The following FMO2 variants were observed in gnomAD, a reference collection of about 807,000 sequenced individuals.
FMO2 encodes the protein flavin containing dimethylaniline monoxygenase 2, also known as flavin-containing monooxygenase 2.
In FMO2, 33 loss-of-function variants were observed where a neutral mutation model predicts 41.6. The ratio of observed to expected loss-of-function variants is 0.79; its 90% confidence interval spans 0.60 to 1.06. The LOEUF (loss-of-function observed/expected upper bound fraction) is 1.06, where lower values mean the gene tolerates loss of function less well. Among genes scored for constraint, FMO2 ranks in the 50% least tolerant of loss-of-function variants. FMO2 has a pLI of 0.00. For synonymous variants in FMO2, 214 were observed against 219.6 expected, an observed-to-expected ratio of 0.97 and a Z score of 0.23; for missense variants, 619 against 632.9, an observed-to-expected ratio of 0.98 and a Z score of 0.23.
intron 2 of FMO2, among the ~76,000 whole-genome samples, chr1:171,186,788 A>G (rs10912524): frequency 0.15 from 23,511 of 152,158 alleles, 2,464 homozygotes; most frequent in East Asian, 0.42. Flanking sequence ...AGGAGTTACA[A>G]TTATTCCTTC....
chr1:171,208,901 A>T lies in FMO2; in HGVS notation c.1364A>T (p.Lys455Ile). The T allele has an allele frequency of 6.2e-7, 1 of 1,613,990 alleles. No individual in the cohort carries two copies. The highest frequency in any genetic ancestry group is 8.5e-7 in the Non-Finnish European group (1 of 1,179,922). The stretch of plus-strand genomic sequence containing the variant: ...CCAGATTTCTGCTCTCTCTTGTTCA[A>T]AGATCCTAAACTGGCTGTGAGACTC... ...AKPDFCSLLF[K>I]DPKLAVRLYF... The change falls in exon 9 of 9, where the codon AAA becomes ATA. Residue 455 changes from lysine (K) to isoleucine (I), a missense_variant. Transcript: ENST00000209929.
Position 171,199,375 on chromosome 1 carries a change from C to T in FMO2, c.514C>T (p.His172Tyr), listed in dbSNP as rs371141652. The change falls in exon 5 of 9, where the codon CAT becomes TAT. Residue 172 changes from histidine to tyrosine, a missense_variant. Transcript: ENST00000209929. ...GGAGAGGTTCAAAGGCCAATATTTCCATAGCCGCCAATACAAGCATCCAGA... is the reference window on the plus strand; with the variant it reads ...GGAGAGGTTCAAAGGCCAATATTTCTATAGCCGCCAATACAAGCATCCAGA... ...GMERFKGQYF[H>Y]SRQYKHPDGF... 5 of 1,609,936 alleles carry T rather than the reference C, an allele frequency of 3.1e-6. No homozygotes were observed. The highest frequency in any genetic ancestry group is 4.2e-6 in the Non-Finnish European group (5 of 1,178,298).
intron 8 of FMO2, among the ~76,000 whole-genome samples, chr1:171,208,184 A>C (rs1290931953): frequency 1.3e-5 from 2 of 152,176 alleles, no homozygotes; most frequent in Non-Finnish European, 2.9e-5. Context: ...GAAAAGTTAG[A>C]GAATCCCCAT....
chr1:171,200,185 A>G (rs998575443), intron 5 of FMO2, among the ~76,000 whole-genome samples: 1 of 152,214 alleles, frequency 6.6e-6, no homozygotes, highest in Non-Finnish European at 1.5e-5. Flanking sequence ...AGGTCTCTCA[A>G]CTAAAATCAT....
rs1658443952 is a variant in FMO2 at position 171,199,459 on chromosome 1, G to A, written c.598G>A (p.Ala200Thr). 1.9e-6 allele frequency: 3 copies of A among 1,612,318 alleles called. No individual in the cohort carries two copies. The highest frequency in any genetic ancestry group is 3.3e-5 in the Admixed American group (2 of 59,742). The change falls in exon 5 of 9, where the codon GCT (alanine) becomes ACT (threonine). Residue 200 changes from alanine to threonine, a missense_variant. By Grantham distance (58) the Ala-to-Thr change is moderately conservative (BLOSUM62 0). Transcript: ENST00000209929. The stretch of plus-strand genomic sequence containing the variant: ...AATGGGAAACTCAGGCTCAGATATT[G>A]CTGTTGAGCTGAGTAAGAATGCTGC... ...IGMGNSGSDI[A>T]VELSKNAAQV...
intron 4 of FMO2, among the ~76,000 whole-genome samples, chr1:171,197,535 G>C (rs10912538): frequency 0.4 from 60,478 of 151,982 alleles, 12,834 homozygotes; most frequent in East Asian, 0.55. Context: ...GAGGGCTTTT[G>C]AAAGCACAAA....
chr1:171,196,202 G>T (rs1220478603), intron 3 of FMO2, among the ~76,000 whole-genome samples: 1 of 152,060 alleles, frequency 6.6e-6, no homozygotes, highest in Non-Finnish European at 1.5e-5. Flanking sequence ...TTTTTAAATG[G>T]GGAAAAAATA....
rs199536748 is a variant in FMO2, at chr1:171,189,654, C to CTTTTTTTTTTT, written c.133-3677_133-3676insTTTTTTTTTTT. ...ACAGAAATCTGAGCCCGTCTTTTTT[C>CTTTTTTTTTTT]TTTTCTTTTTTTTTTTTTTTTTGAG... On this transcript the variant is annotated intron_variant, in intron 2 of 8. Transcript: ENST00000209929. Among the ~76,000 whole-genome samples the CTTTTTTTTTTT allele has an allele frequency of 4.2e-4, 51 of 122,762 alleles. 1 individual carries two copies. The highest frequency in any genetic ancestry group is 1.0e-3 in the Admixed American group (11 of 10,806). 80.5% of individuals were successfully genotyped at this position (122,762 alleles called of 152,430 possible). A position where few individuals can be genotyped will look rare whatever the true frequency, so the allele number is the denominator to read the frequency against.
chr1:171,185,601 A>T, intron 1 of FMO2, 107 bp from the exon 2 acceptor site: 1 of 1,085,060 alleles, frequency 9.2e-7, no homozygotes, highest in Non-Finnish European at 1.4e-6. Flanking sequence ...GCTGCTTATT[A>T]AATTACCACT....
At position 171,210,726 on chromosome 1, in the gene FMO2, C is replaced by G. The variant is rs1658943969; in HGVS notation, c.*1581C>G. The G allele has an allele frequency of 2.0e-5, 3 of 152,092 alleles. No individual in the cohort carries two copies. Among genetic ancestry groups the G allele is most frequent in the Non-Finnish European group, 4.4e-5 (3 of 68,022 alleles). The allele number at this position is 152,092 out of a possible 1,614,324, so 9.4% of individuals were successfully genotyped here. Reference sequence around the variant, plus strand: ...GCTCTTCATTTTGGCCTGTACTTCTCCCTCAGGGACGTAGAACAATGGAAT... The same window carrying G: ...GCTCTTCATTTTGGCCTGTACTTCTGCCTCAGGGACGTAGAACAATGGAAT... On this transcript the variant is annotated 3_prime_UTR_variant, in exon 9 of 9. Transcript: ENST00000209929.
At chr1:171,208,687 T>C in intron 8 of FMO2, 107 bp from the exon 9 acceptor site, 1 of 1,025,886 alleles carries the variant, frequency 9.7e-7, no homozygotes, top group South Asian at 1.6e-5. Context: ...TGAAAACTCA[T>C]TCACATATTC....
chr1:171,202,551 G>C (rs1484065607), intron 5 of FMO2, among the ~76,000 whole-genome samples: 3 of 152,092 alleles, frequency 2.0e-5, no homozygotes, highest in Admixed American at 6.6e-5. Flanking sequence ...CACTTGCCAG[G>C]CAATATTTCA....
chr1:171,198,994 CCAAGCT>C (rs1658414802), intron 4 of FMO2, among the ~76,000 whole-genome samples: 3 of 152,060 alleles, frequency 2.0e-5, no homozygotes, highest in Admixed American at 6.6e-5. Context: ...TCTTTACTTC[CCAAGCT>C]CAAGCAATCT....
At chr1:171,207,865 A>G (rs1474677475) in intron 8 of FMO2, 75 bp downstream of exon 8, 15 of 957,308 alleles carry the variant, frequency 1.6e-5, no homozygotes, top group Non-Finnish European at 2.5e-5. Flanking sequence ...TACAAGAACC[A>G]CCTAGCTGCC....
At chr1:171,195,291 C>T (rs1399508825) in intron 3 of FMO2, among the ~76,000 whole-genome samples, 1 of 152,192 alleles carries the variant, frequency 6.6e-6, no homozygotes, top group Non-Finnish European at 1.5e-5. Context: ...TAATCTACAT[C>T]AGTGCTTCTC....
At chr1:171,205,655 G>T (rs375072535) in intron 7 of FMO2, 21 bp downstream of exon 7, 53 of 1,460,444 alleles carry the variant, frequency 3.6e-5, no homozygotes, top group Admixed American at 4.1e-5. Context: ...AGGCAGGTGA[G>T]TGGCTAAGCG....
intron 4 of FMO2, 48 bp from the exon 5 acceptor site, chr1:171,199,298 A>G: frequency 6.7e-7 from 1 of 1,492,400 alleles, no homozygotes; most frequent in East Asian, 2.4e-5. Flanking sequence ...AATTAGCTTG[A>G]CATAGTTGCT....
rs561053809 is a variant in FMO2, at chr1:171,197,659, C to A, written c.484+848C>A. On this transcript the variant is annotated intron_variant, in intron 4 of 8. Coordinates refer to ENST00000209929, the MANE Select transcript of FMO2 (RefSeq NM_001460.5). ...ATGGGGCAGTATGAAGAGGTGGGGC[C>A]TTTAAGAGGTGATTGAGTAGTAAGA... Among the ~76,000 whole-genome samples, 3 of 152,252 alleles carry A rather than the reference C, an allele frequency of 2.0e-5. No individual in the cohort carries two copies. In the South Asian group the frequency reaches 6.2e-4, roughly 32 times the overall value.
chr1:171,199,334 T>C lies in FMO2; in HGVS notation c.485-12T>C. 1 of 1,568,300 alleles carries C rather than the reference T, an allele frequency of 6.4e-7. No individual in the cohort carries two copies. The highest frequency in any genetic ancestry group is 8.6e-7 in the Non-Finnish European group (1 of 1,161,076). ...CTGGAGCTCACAGACTTCTCTCTTC[T>C]TCCCCCTGAAGGTATGGAGAGGTTC... is the stretch of plus-strand genomic sequence containing the variant. On this transcript the variant is annotated splice_polypyrimidine_tract_variant and intron_variant, in intron 4 of 8. Transcript: ENST00000209929.
Sources: allele counts gnomAD v4.1 joint callset (sites outside exome capture counted in the v4.1 genomes callset), GRCh38; gene constraint gnomAD v4.1.1; transcripts MANE v1.5; gene names NCBI Gene and HGNC (gene_info 2026-07-23, HGNC 2026-07-21).